DPP4: variants seen among roughly 807,000 people sequenced by gnomAD.
The protein encoded by DPP4 is dipeptidyl peptidase 4.
Under a neutral mutation model 122.4 loss-of-function variants are expected in DPP4, and 93 were observed. The ratio of observed to expected loss-of-function variants is 0.76; its 90% CI spans 0.64 to 0.90. The LOEUF (loss-of-function observed/expected upper bound fraction) is 0.90. DPP4 is among the 40% of genes least tolerant of loss of function. The pLI is 0.00. For synonymous variants in DPP4, 321 were observed against 302.9 expected (o/e 1.06, Z -0.62); for missense variants, 914 against 907.3 (o/e 1.01, Z -0.09).
chr2:162,022,513 C>T (rs568597163), intron 12 of DPP4, among the ~76,000 whole-genome samples: 4 of 152,264 alleles, frequency 2.6e-5, no homozygotes, highest in East Asian at 1.9e-4. Flanking sequence ...GCCAGGAGTG[C>T]GCTATGTTTT....
intron 2 of DPP4, among the ~76,000 whole-genome samples, chr2:162,068,925 C>T (rs1194611665): frequency 6.6e-6 from 1 of 152,082 alleles, no homozygotes; most frequent in African/African-American, 2.4e-5. Flanking sequence ...GAACTGAGGC[C>T]TCTAGCTAAC....
chr2:162,038,871 T>C, intron 7 of DPP4, 78 bp downstream of exon 7: 1 of 1,262,040 alleles, frequency 7.9e-7, no homozygotes, highest in South Asian at 1.2e-5. Context: ...AGATGTCTGC[T>C]TTGTATCAGG....
At chr2:162,058,932 G>A (rs1221509113) in intron 2 of DPP4, among the ~76,000 whole-genome samples, 1 of 152,162 alleles carries the variant, frequency 6.6e-6, no homozygotes, top group African/African-American at 2.4e-5. Context: ...GACTGGACTT[G>A]AAAGACAAAT....
chr2:162,018,954 G>A, intron 15 of DPP4, 104 bp from the exon 16 acceptor site: 10 of 1,427,234 alleles, frequency 7.0e-6, no homozygotes, highest in Admixed American at 2.3e-5. Context: ...GCATGCCAAC[G>A]CAATCTTTAG....
chr2:162,012,785 T>C lies in DPP4; in HGVS notation c.1638-798A>G, dbSNP rs971788834. Among the ~76,000 whole-genome samples the C allele has an allele frequency of 2.3e-4, 35 of 152,034 alleles. 1 individual carries two copies. The highest frequency in any genetic ancestry group is 1.5e-5 in the Non-Finnish European group (1 of 67,988). On this transcript the variant is annotated intron_variant, in intron 19 of 25. Coordinates refer to ENST00000360534, the MANE Select transcript of DPP4 (RefSeq NM_001935.4). ...ATCTTTGCACCATCTACACAACTCCTGGACATGGATACTCTCCAATAACTT... is the reference window on the plus strand; with the variant it reads ...ATCTTTGCACCATCTACACAACTCCCGGACATGGATACTCTCCAATAACTT...
intron 5 of DPP4, among the ~76,000 whole-genome samples, chr2:162,044,035 G>GA (rs1478619032): frequency 6.6e-6 from 1 of 151,784 alleles, no homozygotes; most frequent in African/African-American, 2.4e-5. Context: ...CTCAAAAAAA[G>GA]AAAAAAAGAT....
Position 162,020,307 on chromosome 2 carries a change from T to A in DPP4, c.1177-11A>T, listed in dbSNP as rs200975514. ...AATAAATGTGCAGTCCTGATGGTTT[T>A]TTTTTTTTTTCAAAAAAAAAAAAAA... On this transcript the variant is annotated splice_polypyrimidine_tract_variant and intron_variant, in intron 13 of 25. Transcript: ENST00000360534. The A allele has an allele frequency of 6.5e-7, 1 of 1,542,314 alleles. No individual in the cohort carries two copies. The highest frequency in any genetic ancestry group is 2.1e-5 in the Admixed American group (1 of 47,130).
chr2:162,073,511 A>G (rs770799852), intron 1 of DPP4, 25 bp from the exon 2 acceptor site: 1 of 1,609,972 alleles, frequency 6.2e-7, no homozygotes, highest in South Asian at 1.1e-5. Context: ...GATCAAGTCC[A>G]ATTAGAGGGA....
chr2:162,043,013 G>A (rs1225118137), intron 5 of DPP4, among the ~76,000 whole-genome samples: 1 of 152,178 alleles, frequency 6.6e-6, no homozygotes, highest in Non-Finnish European at 1.5e-5. Context: ...CTTCCATGAG[G>A]AAGCAATAGC....
chr2:162,038,700 G>C (rs1240174406), intron 7 of DPP4, among the ~76,000 whole-genome samples: 1 of 152,092 alleles, frequency 6.6e-6, no homozygotes, highest in Non-Finnish European at 1.5e-5. Flanking sequence ...GACCGAGAAG[G>C]CTGACCACTT....
chr2:162,039,029 A>C lies in DPP4; in HGVS notation c.420-8T>G. ...TCTTCTGTAATCAGCTGCCTGGAAA[A>C]AAGATGAAAGGAAATATTATCAAAA... On this transcript the variant is annotated splice_region_variant and splice_polypyrimidine_tract_variant and intron_variant, in intron 6 of 25. Transcript: ENST00000360534. 6.2e-7 allele frequency: 1 copy of C among 1,613,358 alleles called. No individual in the cohort carries two copies.
Position 161,998,282 on chromosome 2 carries a change from G to A in DPP4, c.2053-2910C>T, listed in dbSNP as rs151164906. Among the ~76,000 whole-genome samples, 3 of 152,338 alleles carry A rather than the reference G, an allele frequency of 2.0e-5. No homozygotes were observed. The East Asian group carries it at 5.8e-4, about 29-fold the overall frequency. ...CAAGAAAGGCTGAGGCTTGAGTACT[G>A]ACCGTAAACATTAATTGCCTGAATC... is the stretch of plus-strand genomic sequence containing the variant. On this transcript the variant is annotated intron_variant, in intron 23 of 25. Transcript: ENST00000360534.
chr2:162,036,252 A>G (rs545080352), intron 8 of DPP4, among the ~76,000 whole-genome samples: 1 of 152,306 alleles, frequency 6.6e-6, no homozygotes, highest in African/African-American at 2.4e-5. Flanking sequence ...CATGCATTCT[A>G]ATCAGTTTTC....
At chr2:162,071,033 T>C (rs1685095962) in intron 2 of DPP4, among the ~76,000 whole-genome samples, 2 of 152,204 alleles carry the variant, frequency 1.3e-5, no homozygotes, top group Admixed American at 1.3e-4. Flanking sequence ...TTCTGACCTG[T>C]ACTGTAAGTG....
chr2:162,047,526 T>A (rs199900620), intron 2 of DPP4, 25 bp from the exon 3 acceptor site: 1 of 1,478,562 alleles, frequency 6.8e-7, no homozygotes, highest in Non-Finnish European at 9.3e-7. Context: ...GAGCCAAATG[T>A]TCATTTCAGT....
intron 23 of DPP4, among the ~76,000 whole-genome samples, chr2:162,001,791 G>A (rs188079292): frequency 5.5e-4 from 83 of 152,256 alleles, no homozygotes; most frequent in African/African-American, 1.6e-3. Context: ...ATTTCTGTCT[G>A]CTGGGACTGA....
chr2:162,042,486 A>G (rs903556794), intron 5 of DPP4, among the ~76,000 whole-genome samples: 1 of 152,188 alleles, frequency 6.6e-6, no homozygotes, highest in African/African-American at 2.4e-5. Flanking sequence ...AGTAGGATCT[A>G]AAAAACACTA....
Position 162,020,592 on chromosome 2 carries a change from T to C in DPP4, c.1165A>G (p.Ile389Val), listed in dbSNP as rs772647194. 1 of 1,603,770 alleles carries C rather than the reference T, an allele frequency of 6.2e-7. No homozygotes were observed. Among genetic ancestry groups the C allele is most frequent in the South Asian group, 1.1e-5 (1 of 87,752 alleles). ...EGYRHICYFQ[I>V]DKKDCTFITK... ...GTAAGAATACTCACTTTTTTATCTA[T>C]TTGGAAATAGCAAATGTGTCTGTAA... Residue 389 changes from isoleucine (I) to valine (V), a missense_variant, in exon 13 of 26, where the codon ATA becomes GTA. Coordinates refer to ENST00000360534, the MANE Select transcript of DPP4 (RefSeq NM_001935.4).
At chr2:162,002,255 A>G (rs554321065) in intron 23 of DPP4, among the ~76,000 whole-genome samples, 273 of 152,270 alleles carry the variant, frequency 1.8e-3, no homozygotes, top group African/African-American at 6.3e-3. Flanking sequence ...CCTTTCCTCA[A>G]TGGTGAGTAG....
Sources: gnomAD v4.1 joint callset for allele counts (sites outside exome capture counted in the v4.1 genomes callset) on GRCh38, gnomAD v4.1.1 for gene constraint, MANE v1.5 for transcripts, NCBI Gene and HGNC (gene_info 2026-07-23, HGNC 2026-07-21) for gene names.